The following LRMDA variants were observed in gnomAD, a reference collection of about 807,000 sequenced individuals.
The protein encoded by LRMDA is leucine rich melanocyte differentiation associated.
A neutral mutation model predicts 29.8 loss-of-function variants in LRMDA; 18 were observed. The observed-to-expected ratio is 0.60, with a 90% CI of 0.42 to 0.90. LRMDA has a LOEUF of 0.90. LRMDA is among the 40% of genes least tolerant of loss of function. The probability of loss-of-function intolerance (pLI) is 0.00; values close to 1 mark genes in which losing one functional copy is unlikely to be tolerated. For missense variants in LRMDA, 273 were observed against 273.9 expected (o/e 1.00, Z 0.02); for synonymous variants, 125 against 109.4 (o/e 1.14, Z -0.89).
intron 6 of LRMDA, among the ~76,000 whole-genome samples, chr10:76,514,782 CAT>C (rs1402096031): frequency 6.6e-6 from 1 of 152,078 alleles, no homozygotes; most frequent in African/African-American, 2.4e-5. Context: ...TTTATTACGC[CAT>C]TTAAAGTAAT....
intron 2 of LRMDA, among the ~76,000 whole-genome samples, chr10:75,491,184 C>T (rs924243359): frequency 1.3e-5 from 2 of 152,136 alleles, no homozygotes; most frequent in African/African-American, 2.4e-5. Context: ...TATGTAGCTT[C>T]GTGTCATTAT....
At chr10:75,489,706 ATTGT>A (rs1371239470) in intron 2 of LRMDA, among the ~76,000 whole-genome samples, 1 of 151,994 alleles carries the variant, frequency 6.6e-6, no homozygotes, top group African/African-American at 2.4e-5. Flanking sequence ...GAAGTGTTAG[ATTGT>A]TTGGGGTTTG....
At chr10:75,578,728 G>C (rs888323640) in intron 2 of LRMDA, among the ~76,000 whole-genome samples, 1 of 151,772 alleles carries the variant, frequency 6.6e-6, no homozygotes, top group African/African-American at 2.4e-5. Flanking sequence ...TTAGAACTCA[G>C]GATTAAGAAA....
chr10:75,660,297 T>C (rs186731132), intron 2 of LRMDA, among the ~76,000 whole-genome samples: 15 of 152,354 alleles, frequency 9.8e-5, no homozygotes, highest in Admixed American at 6.5e-4. Flanking sequence ...GTTGAGTAAA[T>C]GCACAATGAA....
At chr10:75,883,571 C>G (rs1845329394) in intron 2 of LRMDA, 1 of 152,122 alleles carries the variant, frequency 6.6e-6, no homozygotes. Flanking sequence ...CATTTCCTTT[C>G]ATTGCAGGGG....
At chr10:76,545,218 A>G (rs1843406108) in intron 6 of LRMDA, among the ~76,000 whole-genome samples, 1 of 151,382 alleles carries the variant, frequency 6.6e-6, no homozygotes, top group African/African-American at 2.4e-5. Context: ...TTAGGAAAAC[A>G]AGAAAGCAAA....
At chr10:75,549,942 G>C (rs1840122140) in intron 2 of LRMDA, among the ~76,000 whole-genome samples, 1 of 152,034 alleles carries the variant, frequency 6.6e-6, no homozygotes, top group South Asian at 2.1e-4. Flanking sequence ...TAATGCTTTT[G>C]AGATTCATCC....
chr10:76,053,351 T>C (rs1848560928), intron 4 of LRMDA, among the ~76,000 whole-genome samples: 1 of 152,178 alleles, frequency 6.6e-6, no homozygotes, highest in Non-Finnish European at 1.5e-5. Flanking sequence ...TTATGTACTA[T>C]GCAACTTTAG....
intron 2 of LRMDA, among the ~76,000 whole-genome samples, chr10:75,782,076 C>T (rs558973792): frequency 3.9e-5 from 6 of 152,274 alleles, no homozygotes; most frequent in African/African-American, 1.4e-4. Context: ...CATTGCATCT[C>T]GGCAAGATTT....
chr10:75,692,438 T>C (rs113718868), intron 2 of LRMDA, among the ~76,000 whole-genome samples: 3 of 150,308 alleles, frequency 2.0e-5, no homozygotes, highest in Non-Finnish European at 3.0e-5. Flanking sequence ...TATACACACA[T>C]ACATATATGT....
intron 6 of LRMDA, among the ~76,000 whole-genome samples, chr10:76,509,100 C>T (rs552630786): frequency 1.3e-5 from 2 of 152,118 alleles, no homozygotes; most frequent in African/African-American, 4.8e-5. Context: ...CTCAAATATA[C>T]GTTGAATTTG....
intron 2 of LRMDA, among the ~76,000 whole-genome samples, chr10:75,619,592 C>A (rs1841153923): frequency 6.6e-6 from 1 of 152,162 alleles, no homozygotes; most frequent in African/African-American, 2.4e-5. Context: ...GTGTAGTGTT[C>A]ATCTCCCAAC....
chr10:76,052,029 A>G (rs1381079316), intron 4 of LRMDA, among the ~76,000 whole-genome samples: 3 of 152,210 alleles, frequency 2.0e-5, no homozygotes, highest in African/African-American at 7.2e-5. Context: ...AATGTAATCT[A>G]GTCAACAGTG....
At chr10:75,540,878 T>C (rs546272319) in intron 2 of LRMDA, among the ~76,000 whole-genome samples, 1 of 152,268 alleles carries the variant, frequency 6.6e-6, no homozygotes, top group Admixed American at 6.5e-5. Context: ...CCTGGCTACC[T>C]GTTATAAGAA....
chr10:76,350,961 A>C (rs1841169333), intron 6 of LRMDA, among the ~76,000 whole-genome samples: 1 of 152,126 alleles, frequency 6.6e-6, no homozygotes, highest in Non-Finnish European at 1.5e-5. Context: ...CCTAGCCCCT[A>C]AATCTCTATT....
chr10:75,613,094 T>C (rs1399966049), intron 2 of LRMDA, among the ~76,000 whole-genome samples: 1 of 148,394 alleles, frequency 6.7e-6, no homozygotes, highest in Non-Finnish European at 1.5e-5. Context: ...TGGGGAAAAC[T>C]GTAGACTTGA....
At chr10:75,761,059 G>A (rs924360024) in intron 2 of LRMDA, among the ~76,000 whole-genome samples, 8 of 152,160 alleles carry the variant, frequency 5.3e-5, no homozygotes, top group African/African-American at 1.9e-4. Context: ...TAAGAATTAA[G>A]GTTCTTGTCT....
At chr10:75,927,543 T>C (rs1411372798) in intron 2 of LRMDA, among the ~76,000 whole-genome samples, 2 of 152,214 alleles carry the variant, frequency 1.3e-5, no homozygotes, top group East Asian at 3.9e-4. Context: ...TCCAATTCCT[T>C]GCTTTAATTT....
intron 2 of LRMDA, among the ~76,000 whole-genome samples, chr10:75,471,527 A>G (rs949031175): frequency 2.6e-4 from 39 of 152,338 alleles, no homozygotes; most frequent in Middle Eastern, 6.8e-3. Context: ...TCCCAGTATT[A>G]GACCTGGGTT....
Sources: allele counts gnomAD v4.1 joint callset (sites outside exome capture counted in the v4.1 genomes callset), GRCh38; gene constraint gnomAD v4.1.1; transcripts MANE v1.5; gene names NCBI Gene and HGNC (gene_info 2026-07-23, HGNC 2026-07-21).